Variants in TGFA observed in about 807,000 individuals in gnomAD.
The protein encoded by TGFA is protransforming growth factor alpha.
TGFA carries 12 observed loss-of-function variants against 21.7 expected under a neutral mutation model. The observed-to-expected ratio is 0.55, with a 90% CI of 0.35 to 0.90. The LOEUF (loss-of-function observed/expected upper bound fraction) is 0.90, where lower values mean the gene tolerates loss of function less well. Among genes scored for constraint, TGFA ranks in the 40% least tolerant of loss-of-function variants. The probability of loss-of-function intolerance (pLI) is 0.01; values close to 1 mark genes in which losing one functional copy is unlikely to be tolerated. For synonymous variants in TGFA, 79 were observed against 88.1 expected, an observed-to-expected ratio of 0.90 and a Z score of 0.58; for missense variants, 178 against 210.8, an observed-to-expected ratio of 0.84 and a Z score of 0.96.
At chr2:70,534,271 A>G (rs1672907221) in intron 1 of TGFA, among the ~76,000 whole-genome samples, 1 of 152,254 alleles carries the variant, frequency 6.6e-6, no homozygotes, top group African/African-American at 2.4e-5. Context: ...TAAGCCAGCT[A>G]TTAGCAACTG....
chr2:70,451,180 A>T (rs1274285099), intron 5 of TGFA, among the ~76,000 whole-genome samples: 2 of 152,246 alleles, frequency 1.3e-5, no homozygotes, highest in African/African-American at 4.8e-5. Context: ...TCTGGCCTGC[A>T]GTCAGATCCT....
intron 1 of TGFA, among the ~76,000 whole-genome samples, chr2:70,551,796 C>A (rs3771471): frequency 6.6e-6 from 1 of 151,564 alleles, no homozygotes; most frequent in Non-Finnish European, 1.5e-5. Context: ...AAAGTTTATA[C>A]ATCATTTTCT....
chr2:70,473,208 T>G (rs1574081811), intron 2 of TGFA, among the ~76,000 whole-genome samples: 1 of 151,966 alleles, frequency 6.6e-6, no homozygotes, highest in African/African-American at 2.4e-5. Context: ...ACTCCAAGCT[T>G]GGGAGGTGAT....
chr2:70,530,934 C>T lies in TGFA; in HGVS notation c.41-16022G>A, dbSNP rs550351086. 2.0e-5 allele frequency among the ~76,000 whole-genome samples: 3 copies of T among 152,344 alleles called. No homozygotes were observed. In the East Asian group the frequency reaches 5.8e-4, roughly 29 times the overall value. ...CTCAATGTACCACCTCTGCAGCAAT[C>T]CCTGAGGCCCCAGGTCTCCACTTTC... On this transcript the variant is annotated intron_variant, in intron 1 of 5. Coordinates refer to ENST00000295400, the MANE Select transcript of TGFA (RefSeq NM_003236.4).
intron 2 of TGFA, among the ~76,000 whole-genome samples, chr2:70,508,828 CAAG>C (rs1553500570): frequency 6.6e-6 from 1 of 152,130 alleles, no homozygotes; most frequent in African/African-American, 2.4e-5. Context: ...AACGGAGGTT[CAAG>C]AAGATTTAAG....
intron 1 of TGFA, among the ~76,000 whole-genome samples, chr2:70,524,209 T>G (rs1286803831): frequency 6.6e-6 from 1 of 152,128 alleles, no homozygotes; most frequent in Non-Finnish European, 1.5e-5. Flanking sequence ...GCAAAGCAAA[T>G]AGCAGATAGG....
chr2:70,502,197 G>T (rs1411290279), intron 2 of TGFA, among the ~76,000 whole-genome samples: 3 of 152,214 alleles, frequency 2.0e-5, no homozygotes, highest in African/African-American at 7.2e-5. Context: ...GGAAAGCACC[G>T]AGGGGGTGTG....
At chr2:70,475,865 A>G (rs1471302240) in intron 2 of TGFA, among the ~76,000 whole-genome samples, 1 of 152,028 alleles carries the variant, frequency 6.6e-6, no homozygotes, top group Non-Finnish European at 1.5e-5. Flanking sequence ...AAAAGGCACA[A>G]GGAGGAGAGA....
chr2:70,476,554 A>T (rs1032807320), intron 2 of TGFA, among the ~76,000 whole-genome samples: 1 of 152,224 alleles, frequency 6.6e-6, no homozygotes, highest in Non-Finnish European at 1.5e-5. Context: ...ATCCACCCTT[A>T]GGAAAAAATG....
chr2:70,460,976 C>A (rs1307460540), intron 3 of TGFA, among the ~76,000 whole-genome samples: 3 of 152,086 alleles, frequency 2.0e-5, no homozygotes, highest in African/African-American at 7.2e-5. Context: ...AAATTTTAAT[C>A]AATTAATTTA....
chr2:70,523,153 A>G lies in TGFA; in HGVS notation c.41-8241T>C, dbSNP rs13389412. 9.5e-3 allele frequency among the ~76,000 whole-genome samples: 1,442 copies of G among 152,250 alleles called. 18 individuals are homozygous for G. The highest frequency in any genetic ancestry group is 0.033 in the African/African-American group (1,376 of 41,530). On this transcript the variant is annotated intron_variant, in intron 1 of 5. Transcript: ENST00000295400. ...CAAGTGGATCCTGCATTGTTTGGTCACCCGATGAGATGACCCCTGAAATAT... is the reference window on the plus strand; with the variant it reads ...CAAGTGGATCCTGCATTGTTTGGTCGCCCGATGAGATGACCCCTGAAATAT...
At chr2:70,504,469 C>CACATATATATATATATATATAT (rs1671851267) in intron 2 of TGFA, among the ~76,000 whole-genome samples, 1 of 80,628 alleles carries the variant, frequency 1.2e-5, no homozygotes, top group Non-Finnish European at 2.6e-5. Flanking sequence ...TATATACACA[C>CACATATATATATATATATATAT]ATACATACAT....
At chr2:70,514,830 A>G (rs1672219319) in intron 2 of TGFA, 29 bp downstream of exon 2, 1 of 1,612,898 alleles carries the variant, frequency 6.2e-7, no homozygotes, top group Admixed American at 1.7e-5. Flanking sequence ...CCCACACACG[A>G]TCCACACACC....
At chr2:70,483,870 G>T (rs1671198498) in intron 2 of TGFA, among the ~76,000 whole-genome samples, 1 of 152,094 alleles carries the variant, frequency 6.6e-6, no homozygotes, top group Middle Eastern at 3.2e-3. Context: ...TTCTTTTGAT[G>T]TTCTTGCATA....
intron 1 of TGFA, among the ~76,000 whole-genome samples, chr2:70,545,223 AAGG>A (rs1280576462): frequency 6.6e-6 from 1 of 152,156 alleles, no homozygotes; most frequent in African/African-American, 2.4e-5. Context: ...GAAGGAGACG[AAGG>A]AGATGAAGAA....
intron 3 of TGFA, among the ~76,000 whole-genome samples, chr2:70,464,384 G>A (rs13008928): frequency 0.29 from 43,642 of 152,152 alleles, 7,777 homozygotes; most frequent in Middle Eastern, 0.43. Context: ...TTAATGATTA[G>A]TATGAAACTG....
rs1669944039 is a variant in TGFA, at chr2:70,448,169, C to G, written c.*2690G>C. ...GTTCCACGTGTGTCCAGCCGGGGCCCTGTCTTCCAGATCAGGGTTGGCTGC... is the reference window on the plus strand; with the variant it reads ...GTTCCACGTGTGTCCAGCCGGGGCCGTGTCTTCCAGATCAGGGTTGGCTGC... On this transcript the variant is annotated 3_prime_UTR_variant, in exon 6 of 6. Transcript: ENST00000295400. 6.6e-6 allele frequency: 1 copy of G among 152,218 alleles called. No homozygotes were observed. The highest frequency in any genetic ancestry group is 2.1e-4 in the South Asian group (1 of 4,826). 9.4% of individuals were successfully genotyped at this position (152,218 alleles called of 1,614,324 possible). A position where few individuals can be genotyped will look rare whatever the true frequency, so the allele number is the denominator to read the frequency against.
At chr2:70,536,982 TTTTC>T (rs1475050000) in intron 1 of TGFA, among the ~76,000 whole-genome samples, 2 of 127,754 alleles carry the variant, frequency 1.6e-5, no homozygotes, top group Admixed American at 8.1e-5. Flanking sequence ...TTGTTTTCTT[TTTTC>T]TTTTTCTTTT....
chr2:70,488,844 C>T (rs1317665673), intron 2 of TGFA, among the ~76,000 whole-genome samples: 1 of 152,178 alleles, frequency 6.6e-6, no homozygotes, highest in African/African-American at 2.4e-5. Context: ...CTGTGATGCA[C>T]CCTGCAGTAA....
Sources: allele counts gnomAD v4.1 joint callset (sites outside exome capture counted in the v4.1 genomes callset), GRCh38; gene constraint gnomAD v4.1.1; transcripts MANE v1.5; gene names NCBI Gene and HGNC (gene_info 2026-07-23, HGNC 2026-07-21).